Variants in CNTN6 observed in about 807,000 individuals in gnomAD.
CNTN6 encodes contactin-6.
CNTN6 carries 137 observed loss-of-function variants against 122.8 expected under a neutral mutation model. The observed-to-expected ratio is 1.12, with a 90% CI of 0.97 to 1.29. CNTN6 has a LOEUF of 1.29. CNTN6 is among the 50% of genes most tolerant of loss of function. The pLI is 0.00. For missense variants in CNTN6, 1,634 were observed against 1,223.4 expected (o/e 1.34, Z -5.01); for synonymous variants, 570 against 426.0 (o/e 1.34, Z -4.16).
intron 1 of CNTN6, among the ~76,000 whole-genome samples, chr3:1,111,475 G>A (rs1574884012): frequency 6.6e-6 from 1 of 152,098 alleles, no homozygotes; most frequent in South Asian, 2.1e-4. Flanking sequence ...AAAAACAGTT[G>A]TTAGATTGTA....
intron 4 of CNTN6, among the ~76,000 whole-genome samples, chr3:1,245,253 TATAACATATATATATATATATACACACAC>T (rs2094553850): frequency 1.3e-3 from 9 of 6,938 alleles, no homozygotes; most frequent in Admixed American, 2.3e-3. Flanking sequence ...CACATATATA[TATAACATATATATATATATATACACACAC>T]ATATATATAT....
intron 1 of CNTN6, among the ~76,000 whole-genome samples, chr3:1,114,610 A>G (rs1355271124): frequency 1.3e-5 from 2 of 152,218 alleles, no homozygotes; most frequent in South Asian, 2.1e-4. Flanking sequence ...AATAAATAAG[A>G]GAACATAAAT....
intron 1 of CNTN6, among the ~76,000 whole-genome samples, chr3:1,094,987 A>T (rs1470717091): frequency 1.3e-5 from 2 of 152,170 alleles, no homozygotes; most frequent in Non-Finnish European, 2.9e-5. Flanking sequence ...GTAAATAACA[A>T]TCATGAAATT....
chr3:1,291,061 GTAT>G (rs1695237520), intron 5 of CNTN6, among the ~76,000 whole-genome samples: 1 of 152,134 alleles, frequency 6.6e-6, no homozygotes, highest in Admixed American at 6.5e-5. Context: ...GCCTCTGACA[GTAT>G]TATTAGGGAA....
intron 7 of CNTN6, among the ~76,000 whole-genome samples, chr3:1,312,905 T>G (rs920106909): frequency 2.0e-5 from 3 of 151,864 alleles, no homozygotes; most frequent in African/African-American, 4.8e-5. Flanking sequence ...TGTGAACAAC[T>G]GTAATCGTAT....
At chr3:1,382,893 A>C in intron 17 of CNTN6, 49 bp from the exon 18 acceptor site, 1 of 1,199,636 alleles carries the variant, frequency 8.3e-7, no homozygotes, top group Non-Finnish European at 1.2e-6. Context: ...ATAGTAGCTT[A>C]ATAAAATATT....
chr3:1,335,075 A>T (rs1702851751), intron 11 of CNTN6, among the ~76,000 whole-genome samples: 1 of 152,136 alleles, frequency 6.6e-6, no homozygotes, highest in African/African-American at 2.4e-5. Context: ...ATTTGAAGTC[A>T]AAGATCTGGG....
chr3:1,347,586 T>C (rs1307603383), intron 11 of CNTN6, among the ~76,000 whole-genome samples: 1 of 152,160 alleles, frequency 6.6e-6, no homozygotes, highest in Admixed American at 6.6e-5. Flanking sequence ...AGTCCAGCCA[T>C]AGGCAAGAAT....
chr3:1,182,099 T>G (rs997270637), intron 2 of CNTN6, among the ~76,000 whole-genome samples: 2 of 152,130 alleles, frequency 1.3e-5, no homozygotes, highest in African/African-American at 4.8e-5. Context: ...TTCAAGGTAT[T>G]TTTATATTCA....
intron 20 of CNTN6, among the ~76,000 whole-genome samples, chr3:1,387,881 T>C (rs1349325672): frequency 6.6e-5 from 10 of 152,140 alleles, no homozygotes; most frequent in Admixed American, 2.6e-4. Context: ...CACCACGAGA[T>C]TATATCCTGC....
intron 2 of CNTN6, among the ~76,000 whole-genome samples, chr3:1,186,677 T>C (rs2093631634): frequency 6.6e-6 from 1 of 152,144 alleles, no homozygotes. Flanking sequence ...AACCTGAAAG[T>C]GGCTGTGGGG....
At chr3:1,180,863 T>C (rs77797237) in intron 2 of CNTN6, among the ~76,000 whole-genome samples, 5,625 of 152,310 alleles carry the variant, frequency 0.037, 352 homozygotes, top group African/African-American at 0.13. Context: ...ATCCCTGTTA[T>C]ATGATAAAGT....
chr3:1,235,691 A>AAAGCC (rs993004620), intron 4 of CNTN6, among the ~76,000 whole-genome samples: 2 of 152,152 alleles, frequency 1.3e-5, no homozygotes, highest in Non-Finnish European at 2.9e-5. Flanking sequence ...ACATACCAGG[A>AAAGCC]AAGCCGAGAG....
intron 2 of CNTN6, among the ~76,000 whole-genome samples, chr3:1,219,281 A>T (rs940997976): frequency 4.6e-5 from 7 of 152,208 alleles, no homozygotes; most frequent in African/African-American, 1.7e-4. Flanking sequence ...GACAGATAGA[A>T]GTCTTAACCT....
intron 2 of CNTN6, among the ~76,000 whole-genome samples, chr3:1,206,159 C>G (rs369922321): frequency 2.0e-5 from 3 of 152,044 alleles, no homozygotes; most frequent in East Asian, 3.9e-4. Flanking sequence ...CTGATATGTC[C>G]TATCACATAT....
chr3:1,359,437 AC>A (rs1478410316), intron 12 of CNTN6, among the ~76,000 whole-genome samples: 7 of 151,938 alleles, frequency 4.6e-5, no homozygotes, highest in African/African-American at 1.4e-4. Context: ...CTGGTTTTTC[AC>A]TTGTTTCTTT....
At chr3:1,106,324 T>C (rs1328527726) in intron 1 of CNTN6, among the ~76,000 whole-genome samples, 4 of 152,180 alleles carry the variant, frequency 2.6e-5, no homozygotes, top group Non-Finnish European at 5.9e-5. Flanking sequence ...AACTTCTTAT[T>C]TTTGTTTTAG....
chr3:1,097,835 C>T (rs533434904), intron 1 of CNTN6, among the ~76,000 whole-genome samples: 1 of 151,856 alleles, frequency 6.6e-6, no homozygotes, highest in East Asian at 1.9e-4. Flanking sequence ...ATATATGAGC[C>T]TTAGGATCAA....
chr3:1,238,205 C>G (rs2094443942), intron 4 of CNTN6, among the ~76,000 whole-genome samples: 3 of 152,076 alleles, frequency 2.0e-5, no homozygotes, highest in African/African-American at 2.4e-5. Flanking sequence ...TCAACTAACA[C>G]AGAAGAACTC....
Sources: allele counts gnomAD v4.1 joint callset (sites outside exome capture counted in the v4.1 genomes callset), GRCh38; gene constraint gnomAD v4.1.1; transcripts MANE v1.5; gene names NCBI Gene and HGNC (gene_info 2026-07-23, HGNC 2026-07-21).